Variants in EPHA3 observed in about 807,000 individuals in gnomAD.
The protein encoded by EPHA3 is ephrin type-A receptor 3.
In EPHA3, 42 loss-of-function variants were observed where a neutral mutation model predicts 107.1. The ratio of observed to expected loss-of-function variants is 0.39; its 90% CI spans 0.31 to 0.51. EPHA3 has a LOEUF of 0.51. Ranked by LOEUF, EPHA3 falls within the 20% of genes least tolerant of loss-of-function variation. EPHA3 has a pLI of 0.78. For missense variants in EPHA3, 1,183 were observed against 1,211.2 expected (o/e 0.98, Z 0.35); for synonymous variants, 461 against 424.8 (o/e 1.09, Z -1.05).
At chr3:89,176,246 C>T (rs1393482153) in intron 2 of EPHA3, among the ~76,000 whole-genome samples, 1 of 151,946 alleles carries the variant, frequency 6.6e-6, no homozygotes. Context: ...CTTCAGGAGG[C>T]GGAGGCAGGA....
At chr3:89,317,705 T>G (rs1706941753) in intron 3 of EPHA3, among the ~76,000 whole-genome samples, 1 of 151,750 alleles carries the variant, frequency 6.6e-6, no homozygotes. Flanking sequence ...TGCAATATAT[T>G]TATATTAATA....
intron 1 of EPHA3, among the ~76,000 whole-genome samples, chr3:89,126,752 G>T (rs1704104788): frequency 6.6e-6 from 1 of 151,606 alleles, no homozygotes; most frequent in Non-Finnish European, 1.5e-5. Flanking sequence ...TGATATGAAG[G>T]TGTCATATTA....
Position 89,176,032 on chromosome 3 carries a change from T to C in EPHA3, c.154-33828T>C, listed in dbSNP as rs138606711. ...TCAGATATTTTTGTGAGATATTTTGTAATACTTTAATATAGAATCTGAAGT... is the reference window on the plus strand; with the variant it reads ...TCAGATATTTTTGTGAGATATTTTGCAATACTTTAATATAGAATCTGAAGT... On this transcript the variant is annotated intron_variant, in intron 2 of 16. Transcript: ENST00000336596. Among the ~76,000 whole-genome samples the C allele has an allele frequency of 9.9e-3, 1,510 of 152,322 alleles. 12 individuals are homozygous for C. The highest frequency in any genetic ancestry group is 0.027 in the East Asian group (138 of 5,184).
intron 15 of EPHA3, among the ~76,000 whole-genome samples, chr3:89,455,156 G>C (rs191973701): frequency 3.3e-5 from 5 of 152,116 alleles, no homozygotes; most frequent in Admixed American, 2.0e-4. Flanking sequence ...AAAATAAATG[G>C]TGTTTTCTGC....
At chr3:89,396,055 T>G in intron 6 of EPHA3, 94 bp downstream of exon 6, 5 of 1,528,308 alleles carry the variant, frequency 3.3e-6, no homozygotes, top group Non-Finnish European at 4.4e-6. Flanking sequence ...ACATTCCTGG[T>G]AAATGGTAGA....
chr3:89,126,880 A>C (rs1029428892), intron 1 of EPHA3, among the ~76,000 whole-genome samples: 9 of 151,794 alleles, frequency 5.9e-5, no homozygotes, highest in African/African-American at 2.2e-4. Context: ...TTGATATGCT[A>C]GCATTAATGT....
chr3:89,380,985 T>G lies in EPHA3; in HGVS notation c.1307-14852T>G, dbSNP rs544677770. Among the ~76,000 whole-genome samples, 8 of 152,028 alleles carry G rather than the reference T, an allele frequency of 5.3e-5. No individual in the cohort carries two copies. In the East Asian group the frequency reaches 9.8e-4, roughly 19 times the overall value. On this transcript the variant is annotated intron_variant, in intron 5 of 16. Coordinates refer to ENST00000336596, the MANE Select transcript of EPHA3 (RefSeq NM_005233.6). The stretch of plus-strand genomic sequence containing the variant: ...TGCTATAGGCTGTTTGTTTGTTTCT[T>G]TTTTTGAGACAGAGTCTCGCTCTCT...
chr3:89,247,581 G>C (rs1405446386), intron 3 of EPHA3, among the ~76,000 whole-genome samples: 1 of 151,982 alleles, frequency 6.6e-6, no homozygotes, highest in Non-Finnish European at 1.5e-5. Flanking sequence ...AAAGTACATA[G>C]GATTTGAAGA....
At chr3:89,388,743 T>G (rs1191406146) in intron 5 of EPHA3, among the ~76,000 whole-genome samples, 1 of 152,234 alleles carries the variant, frequency 6.6e-6, no homozygotes, top group Non-Finnish European at 1.5e-5. Context: ...CCCAACTCTT[T>G]GTGATCCTAA....
intron 3 of EPHA3, among the ~76,000 whole-genome samples, chr3:89,308,070 T>G (rs931181263): frequency 1.3e-5 from 2 of 152,170 alleles, no homozygotes; most frequent in African/African-American, 4.8e-5. Context: ...TTGGTGATTT[T>G]TTAATGTTCT....
chr3:89,388,214 C>T (rs200906254), intron 5 of EPHA3, among the ~76,000 whole-genome samples: 1 of 151,972 alleles, frequency 6.6e-6, no homozygotes, highest in Non-Finnish European at 1.5e-5. Context: ...TTCAGAGGAA[C>T]CAGCCAGAAA....
At chr3:89,209,776 A>G (rs1706223277) in intron 2 of EPHA3, 84 bp from the exon 3 acceptor site, 9 of 1,158,268 alleles carry the variant, frequency 7.8e-6, no homozygotes, top group Middle Eastern at 2.1e-4. Context: ...GATTTATTAT[A>G]TAGAGATGGC....
intron 15 of EPHA3, among the ~76,000 whole-genome samples, chr3:89,454,489 C>T (rs975471531): frequency 2.6e-5 from 4 of 152,130 alleles, no homozygotes; most frequent in African/African-American, 9.7e-5. Flanking sequence ...AAACACTCTC[C>T]TCATGGCTGT....
At chr3:89,245,197 AT>A (rs1705003278) in intron 3 of EPHA3, among the ~76,000 whole-genome samples, 1 of 152,190 alleles carries the variant, frequency 6.6e-6, no homozygotes, top group South Asian at 2.1e-4. Context: ...TACTTTAAAG[AT>A]TTATGTACTC....
intron 3 of EPHA3, among the ~76,000 whole-genome samples, chr3:89,339,091 G>T (rs762748675): frequency 6.6e-6 from 1 of 152,002 alleles, no homozygotes; most frequent in Non-Finnish European, 1.5e-5. Flanking sequence ...AATATTTGTC[G>T]GCCTGTGGCG....
chr3:89,341,542 T>C (rs1447714842), intron 4 of EPHA3, among the ~76,000 whole-genome samples: 2 of 152,204 alleles, frequency 1.3e-5, no homozygotes, highest in Non-Finnish European at 2.9e-5. Context: ...ATCCTTACCT[T>C]TGAGTTAAAA....
chr3:89,259,331 C>T (rs1705362053), intron 3 of EPHA3, among the ~76,000 whole-genome samples: 1 of 152,062 alleles, frequency 6.6e-6, no homozygotes, highest in Non-Finnish European at 1.5e-5. Context: ...TCTTTTTAGC[C>T]ATTATGTCCA....
At chr3:89,215,087 A>T (rs926286038) in intron 3 of EPHA3, among the ~76,000 whole-genome samples, 3 of 151,870 alleles carry the variant, frequency 2.0e-5, no homozygotes, top group African/African-American at 7.2e-5. Context: ...GAAAAAGAAA[A>T]ATATATCTGT....
intron 15 of EPHA3, among the ~76,000 whole-genome samples, chr3:89,469,942 T>G (rs188379199): frequency 6.6e-6 from 1 of 152,226 alleles, no homozygotes; most frequent in Admixed American, 6.5e-5. Context: ...TCATTTCAAG[T>G]ATATAAGAAA....
Sources: allele counts gnomAD v4.1 joint callset (sites outside exome capture counted in the v4.1 genomes callset), GRCh38; gene constraint gnomAD v4.1.1; transcripts MANE v1.5; gene names NCBI Gene and HGNC (gene_info 2026-07-23, HGNC 2026-07-21).